The following CHL1 variants were observed in gnomAD, a reference collection of about 807,000 sequenced individuals.
CHL1 encodes the protein cell adhesion molecule L1 like.
In CHL1, 96 loss-of-function variants were observed where a neutral mutation model predicts 141.9. The ratio of observed to expected loss-of-function variants is 0.68; its 90% CI spans 0.57 to 0.80. The LOEUF is 0.80. CHL1 is among the 30% of genes least tolerant of loss of function. The probability of loss-of-function intolerance (pLI) is 0.00; values close to 1 mark genes in which losing one functional copy is unlikely to be tolerated. For missense variants in CHL1, 1,820 were observed against 1,457.2 expected (o/e 1.25, Z -4.05); for synonymous variants, 613 against 502.2 (o/e 1.22, Z -2.95).
intron 2 of CHL1, among the ~76,000 whole-genome samples, chr3:252,444 T>C (rs530500513): frequency 3.4e-5 from 5 of 146,660 alleles, no homozygotes; most frequent in Admixed American, 2.1e-4. Context: ...TTTTGATTAA[T>C]AAATATTCTT....
At chr3:305,944 A>G (rs1436372725) in intron 2 of CHL1, among the ~76,000 whole-genome samples, 1 of 152,184 alleles carries the variant, frequency 6.6e-6, no homozygotes, top group Non-Finnish European at 1.5e-5. Flanking sequence ...TGGAATCAAA[A>G]CACATAAGAC....
chr3:251,221 T>A (rs1044795589), intron 2 of CHL1, among the ~76,000 whole-genome samples: 6 of 152,080 alleles, frequency 3.9e-5, no homozygotes, highest in Non-Finnish European at 8.8e-5. Flanking sequence ...TTCATTTTTC[T>A]TGAGATAGAT....
chr3:327,379 G>A (rs1701095363), intron 4 of CHL1, among the ~76,000 whole-genome samples: 1 of 151,884 alleles, frequency 6.6e-6, no homozygotes, highest in African/African-American at 2.4e-5. Flanking sequence ...ATTGTTCATA[G>A]AACTGACACT....
chr3:337,453 G>T (rs1345534197), intron 5 of CHL1, among the ~76,000 whole-genome samples: 1 of 151,908 alleles, frequency 6.6e-6, no homozygotes, highest in East Asian at 1.9e-4. Context: ...TGCCATGCTG[G>T]TGTGCTGCAC....
intron 4 of CHL1, 118 bp downstream of exon 4, chr3:326,182 G>A (rs1700996870): frequency 3.6e-6 from 2 of 561,072 alleles, no homozygotes. Flanking sequence ...AAAGCTAAGG[G>A]TTTACAAAAA....
chr3:289,450 T>G (rs1000800524), intron 2 of CHL1, among the ~76,000 whole-genome samples: 2 of 152,196 alleles, frequency 1.3e-5, no homozygotes, highest in African/African-American at 4.8e-5. Flanking sequence ...TGAGAGCAAT[T>G]ATAGAATCTA....
In CHL1 at chr3:311,519, A is replaced by G. The variant is rs368503634; in HGVS notation, c.-94-8164A>G. Among the ~76,000 whole-genome samples the G allele has an allele frequency of 6.6e-4, 101 of 152,174 alleles. 1 individual carries two copies. In the South Asian group the frequency reaches 0.018, roughly 28 times the overall value. On this transcript the variant is annotated intron_variant, in intron 2 of 27. Coordinates refer to ENST00000256509, the MANE Select transcript of CHL1 (RefSeq NM_006614.4). Reference sequence around the variant, plus strand: ...CACGGCTCCTGCCCACTGGATGCAAATAGCACTGCCCAGTCATGTGACAAC... The same window carrying G: ...CACGGCTCCTGCCCACTGGATGCAAGTAGCACTGCCCAGTCATGTGACAAC...
chr3:351,237 G>A (rs1392029878), intron 10 of CHL1, among the ~76,000 whole-genome samples: 1 of 152,176 alleles, frequency 6.6e-6, no homozygotes, highest in East Asian at 1.9e-4. Context: ...TTGACTATAG[G>A]ACTCCAAAGG....
At chr3:322,669 T>A (rs974489643) in intron 3 of CHL1, among the ~76,000 whole-genome samples, 9 of 132,196 alleles carry the variant, frequency 6.8e-5, no homozygotes, top group East Asian at 4.2e-4. Flanking sequence ...TATATATATA[T>A]AATTATATAT....
At chr3:335,484 A>G (rs1201753708) in intron 5 of CHL1, among the ~76,000 whole-genome samples, 1 of 152,230 alleles carries the variant, frequency 6.6e-6, no homozygotes, top group Non-Finnish European at 1.5e-5. Context: ...AACCGGAGTT[A>G]GAGGTGATAA....
intron 13 of CHL1, 23 bp from the exon 14 acceptor site, chr3:363,194 A>C (rs749324106): frequency 1.9e-6 from 3 of 1,599,402 alleles, no homozygotes; most frequent in Non-Finnish European, 1.7e-6. Context: ...CCTCAGATGG[A>C]TGTACGCTTT....
intron 19 of CHL1, chr3:385,712 C>T (rs990863589): frequency 1.3e-5 from 2 of 151,508 alleles, no homozygotes; most frequent in African/African-American, 2.4e-5. Context: ...CCTGTAATCC[C>T]TGCTACTTGG....
Position 342,073 on chromosome 3 carries a change from G to C in CHL1, c.670G>C (p.Val224Leu), listed in dbSNP as rs1702385360. The C allele has an allele frequency of 6.2e-7, 1 of 1,608,676 alleles. No homozygotes were observed. The highest frequency in any genetic ancestry group is 1.3e-5 in the African/African-American group (1 of 74,836). ...ACAGAAAATGCCAATGAAACTAACA[G>C]TTAACAGTTGTAAGTCCACATAATT... The part of the protein sequence containing the change: ...IVQKMPMKLT[V>L]NSLKHANDSS... The change falls in exon 7 of 28, where the codon GTT (valine) becomes CTT (leucine). Residue 224 changes from valine to leucine, a missense_variant. Val to Leu is a conservative substitution (Grantham distance 32). Coordinates refer to ENST00000256509, the MANE Select transcript of CHL1 (RefSeq NM_006614.4).
intron 2 of CHL1, among the ~76,000 whole-genome samples, chr3:288,048 A>G (rs150625797): frequency 6.6e-6 from 1 of 152,188 alleles, no homozygotes; most frequent in Non-Finnish European, 1.5e-5. Context: ...GATTACAGGC[A>G]TGAGCCACTA....
rs141292441 is a variant in CHL1 at position 373,173 on chromosome 3, G to A, written c.1752-4645G>A. ...ACTAGGGGGAAACCGACTTGTCTGG[G>A]CTGCCTGGATTCCTCAGAACTACCA... On this transcript the variant is annotated intron_variant, in intron 15 of 27. Coordinates refer to ENST00000256509, the MANE Select transcript of CHL1 (RefSeq NM_006614.4). Among the ~76,000 whole-genome samples, 846 of 152,354 alleles carry A rather than the reference G, an allele frequency of 5.6e-3. 10 individuals are homozygous for A. Among genetic ancestry groups the A allele is most frequent in the Non-Finnish European group, 8.4e-3 (569 of 68,022 alleles).
chr3:248,299 T>A (rs1182440078), intron 2 of CHL1: 1 of 152,124 alleles, frequency 6.6e-6, no homozygotes, highest in Non-Finnish European at 1.5e-5. Flanking sequence ...TGAGGTATAC[T>A]TATATTTCAT....
chr3:359,832 C>A (rs1476789259), intron 11 of CHL1, among the ~76,000 whole-genome samples: 1 of 152,102 alleles, frequency 6.6e-6, no homozygotes, highest in Non-Finnish European at 1.5e-5. Flanking sequence ...AGGCAGAGAA[C>A]TGAAACGGGA....
At position 359,335 on chromosome 3, in the gene CHL1, T is replaced by C. The variant is rs1482004378; in HGVS notation, c.1166-949T>C. On this transcript the variant is annotated intron_variant, in intron 11 of 27. Transcript: ENST00000256509. ...TTCTTCACTTTTATTTTAAAGTCTC[T>C]CTCCATCACCCAGTCTGGAGTGCAG... Among the ~76,000 whole-genome samples the C allele has an allele frequency of 4.6e-5, 7 of 152,010 alleles. No individual in the cohort carries two copies. The East Asian group carries it at 7.7e-4, about 17-fold the overall frequency.
At chr3:281,011 G>T (rs759804863) in intron 2 of CHL1, among the ~76,000 whole-genome samples, 2 of 151,848 alleles carry the variant, frequency 1.3e-5, no homozygotes, top group Non-Finnish European at 2.9e-5. Context: ...TCCCAACTGG[G>T]GTTATTTTTT....
Sources: allele counts gnomAD v4.1 joint callset (sites outside exome capture counted in the v4.1 genomes callset), GRCh38; gene constraint gnomAD v4.1.1; transcripts MANE v1.5; gene names NCBI Gene and HGNC (gene_info 2026-07-23, HGNC 2026-07-21).